The following ZNF28 variants were observed in gnomAD, a reference collection of about 807,000 sequenced individuals.
ZNF28 encodes zinc finger protein KOX24.
ZNF28 carries 5 observed loss-of-function variants against 7.2 expected under a neutral mutation model. The ratio of observed to expected loss-of-function variants is 0.70; its 90% confidence interval spans 0.36 to 1.46. ZNF28 has a LOEUF of 1.46. Among genes scored for constraint, ZNF28 ranks in the 40% most tolerant of loss-of-function variants. The pLI is 0.03. For missense variants in ZNF28, 879 were observed against 866.6 expected, an observed-to-expected ratio of 1.01 and a Z score of -0.18; for synonymous variants, 288 against 292.4, an observed-to-expected ratio of 0.99 and a Z score of 0.15.
In ZNF28 at chr19:52,801,635, G is replaced by GT; in HGVS notation, c.209dup (p.His70GlnfsTer22). 6.2e-7 allele frequency: 1 copy of GT among 1,613,920 alleles called. No homozygotes were observed. The highest frequency in any genetic ancestry group is 1.1e-5 in the South Asian group (1 of 91,060). On this transcript the variant is annotated frameshift_variant, in exon 4 of 4. Transcript: ENST00000457749. LOFTEE classifies it low-confidence loss of function (END_TRUNC). ...TTGCTTGTCTTTGCAATGTCCCTGT[G>GT]TGGAACGCTTCTGTATTGCCTTGCC...
At chr19:52,809,483 G>C (rs548685297) in intron 2 of ZNF28, among the ~76,000 whole-genome samples, 14 of 152,320 alleles carry the variant, frequency 9.2e-5, no homozygotes, top group Admixed American at 2.0e-4. Flanking sequence ...CTTGAGGGTG[G>C]AGGGTGGGAG....
chr19:52,816,494 C>G (rs2063125701), intron 2 of ZNF28, among the ~76,000 whole-genome samples: 1 of 145,206 alleles, frequency 6.9e-6, no homozygotes, highest in Admixed American at 6.9e-5. Context: ...GAAACCCCGT[C>G]TCTACTAAAA....
rs71183842 is a variant in ZNF28, at chr19:52,820,108, C to CTT, written c.-74+1476_-74+1477dup. 8.1e-4 allele frequency among the ~76,000 whole-genome samples: 97 copies of CTT among 120,268 alleles called. 2 individuals are homozygous for CTT. The highest frequency in any genetic ancestry group is 1.5e-3 in the African/African-American group (40 of 27,570). The allele number at this position is 120,268 out of a possible 152,430, so 78.9% of individuals were successfully genotyped here. A position where few individuals can be genotyped will look rare whatever the true frequency, so the allele number is the denominator to read the frequency against. ...TCCATCCTTGCAACTTATTTAACCT[C>CTT]TTTTTTTTTTTTTTTTTTTTGAGAC... is the stretch of plus-strand genomic sequence containing the variant. On this transcript the variant is annotated intron_variant, in intron 1 of 3. Transcript: ENST00000457749.
At chr19:52,810,993 G>T (rs2063025333) in intron 2 of ZNF28, among the ~76,000 whole-genome samples, 4 of 138,310 alleles carry the variant, frequency 2.9e-5, no homozygotes, top group Non-Finnish European at 6.3e-5. Context: ...CTCCCTGCCT[G>T]ATTCTCCTGC....
At position 52,799,906 on chromosome 19, in the gene ZNF28, T is replaced by C; in HGVS notation, c.1939A>G (p.Met647Val). ...CTATGATGGTATACGAGGGATGACA[T>C]CTGACTGAAGGTCTTGCCACACTCA... ...CNECGKTFSQ[M>V]SSLVYHHRLH... Residue 647 changes from methionine (M) to valine (V), a missense_variant, in exon 4 of 4, where the codon ATG (methionine) becomes GTG (valine). Physicochemically the swap from Met to Val is conservative, Grantham distance 21. Transcript: ENST00000457749. 1 of 1,613,970 alleles carries C rather than the reference T, an allele frequency of 6.2e-7. No homozygotes were observed. Among genetic ancestry groups the C allele is most frequent in the Non-Finnish European group, 8.5e-7 (1 of 1,179,912 alleles).
At chr19:52,805,291 G>C (rs2062922688) in intron 3 of ZNF28, 1 of 148,238 alleles carries the variant, frequency 6.7e-6, no homozygotes, top group South Asian at 2.1e-4. Context: ...AAAAAGAAAT[G>C]AAAGAAGGCT....
chr19:52,810,590 G>T, intron 2 of ZNF28: 3 of 1,573,342 alleles, frequency 1.9e-6, no homozygotes, highest in Non-Finnish European at 2.6e-6. Flanking sequence ...CCGCTACCGC[G>T]CCCGACCACC....
Position 52,799,344 on chromosome 19 carries a change from T to C in ZNF28, c.*344A>G. On this transcript the variant is annotated 3_prime_UTR_variant, in exon 4 of 4. Transcript: ENST00000457749. Reference sequence around the variant, plus strand: ...ATATTCAAAAATCTTGTCATAAACCTTACATCTGTGTGGTTTCTCTTCAGC... The same window carrying C: ...ATATTCAAAAATCTTGTCATAAACCCTACATCTGTGTGGTTTCTCTTCAGC... The C allele has an allele frequency of 7.6e-6, 4 of 529,502 alleles. No individual in the cohort carries two copies. Among genetic ancestry groups the C allele is most frequent in the Non-Finnish European group, 1.0e-5 (3 of 288,628 alleles). The allele number at this position is 529,502 out of a possible 1,614,324, so 32.8% of individuals were successfully genotyped here.
intron 2 of ZNF28, among the ~76,000 whole-genome samples, chr19:52,809,207 C>T (rs897264880): frequency 5.3e-5 from 8 of 152,124 alleles, no homozygotes; most frequent in African/African-American, 1.9e-4. Flanking sequence ...AAGCAATCAC[C>T]CTTTCAACTG....
intron 2 of ZNF28, among the ~76,000 whole-genome samples, chr19:52,817,668 C>G (rs1315351642): frequency 6.6e-6 from 1 of 152,116 alleles, no homozygotes; most frequent in African/African-American, 2.4e-5. Context: ...TGCTGCCCAA[C>G]AGCACTGACA....
chr19:52,806,924 TAGAA>T (rs1478479266), intron 3 of ZNF28, among the ~76,000 whole-genome samples: 1 of 151,758 alleles, frequency 6.6e-6, no homozygotes, highest in African/African-American at 2.4e-5. Flanking sequence ...AAAGAAAGAA[TAGAA>T]AGAAAGAGCA....
chr19:52,813,249 GAAAAAAAAAAA>G (rs71183837), intron 2 of ZNF28, among the ~76,000 whole-genome samples: 2 of 62,984 alleles, frequency 3.2e-5, no homozygotes, highest in South Asian at 9.6e-4. Flanking sequence ...CTTGAATGGT[GAAAAAAAAAAA>G]AAAAAAAAAA....
intron 2 of ZNF28, among the ~76,000 whole-genome samples, chr19:52,813,445 G>A (rs926746783): frequency 1.7e-5 from 2 of 120,654 alleles, no homozygotes; most frequent in South Asian, 3.2e-4. Context: ...GCCCCACTTC[G>A]CCCCCGTAGG....
At chr19:52,805,317 C>T (rs7260017) in intron 3 of ZNF28, 118,094 of 150,928 alleles carry the variant, frequency 0.78, 47,116 homozygotes, top group Non-Finnish European at 0.87. Flanking sequence ...GTAACTCCAA[C>T]CCACAAGCAT....
rs947111447 is a variant in ZNF28, at chr19:52,797,486, A to C, written c.*2202T>G. On this transcript the variant is annotated 3_prime_UTR_variant, in exon 4 of 4. Transcript: ENST00000457749. ...GAAAATCACAGTCAACCAAAATACA[A>C]CTGGAACTAATAAACATATTCAGTG... is the stretch of plus-strand genomic sequence containing the variant. 2.0e-5 allele frequency: 3 copies of C among 152,262 alleles called. No homozygotes were observed. The highest frequency in any genetic ancestry group is 7.2e-5 in the African/African-American group (3 of 41,470). The allele number at this position is 152,262 out of a possible 1,614,324, so 9.4% of individuals were successfully genotyped here. A position where few individuals can be genotyped will look rare whatever the true frequency, so the allele number is the denominator to read the frequency against.
chr19:52,807,804 C>T, intron 3 of ZNF28: 1 of 930,434 alleles, frequency 1.1e-6, no homozygotes, highest in Non-Finnish European at 1.5e-6. Flanking sequence ...TACTTTACTT[C>T]TGGAAGCTCC....
At chr19:52,811,531 C>T (rs1293448356) in intron 2 of ZNF28, among the ~76,000 whole-genome samples, 1 of 147,246 alleles carries the variant, frequency 6.8e-6, no homozygotes, top group Admixed American at 6.7e-5. Flanking sequence ...GTGGGGAGCA[C>T]CTCTGCCCCA....
In ZNF28 at chr19:52,817,058, T is replaced by C. The variant is rs916191875; in HGVS notation, c.15+886A>G. Among the ~76,000 whole-genome samples the C allele has an allele frequency of 5.9e-5, 9 of 152,054 alleles. No individual in the cohort carries two copies. The South Asian group carries it at 6.2e-4, about 10-fold the overall frequency. On this transcript the variant is annotated intron_variant, in intron 2 of 3. Transcript: ENST00000457749. ...AATGACTCTCCTGCTATTATTTACA[T>C]TGATTTCATGTTCTTAAAATAATGA...
Position 52,800,204 on chromosome 19 carries a change from T to C in ZNF28, c.1641A>G (p.Ala547=). The stretch of plus-strand genomic sequence containing the variant: ...ATTCTTCACATTTGTACGGTTTCTC[T>C]GCAGTATGAAGTTTATGATGACATG... ...NLACHHKLHT[A]EKPYKCEECE... Residue 547 remains alanine (A), a synonymous_variant, in exon 4 of 4, where the codon GCA becomes GCG. Transcript: ENST00000457749. 1 of 1,613,658 alleles carries C rather than the reference T, an allele frequency of 6.2e-7. No homozygotes were observed. The highest frequency in any genetic ancestry group is 8.5e-7 in the Non-Finnish European group (1 of 1,179,894).
Sources: allele counts gnomAD v4.1 joint callset (sites outside exome capture counted in the v4.1 genomes callset), GRCh38; gene constraint gnomAD v4.1.1; transcripts MANE v1.5; gene names NCBI Gene and HGNC (gene_info 2026-07-23, HGNC 2026-07-21).